Variants in FOXN3 observed in about 807,000 individuals in gnomAD.
The protein encoded by FOXN3 is forkhead box N3, also known as forkhead box protein N3.
FOXN3 carries 7 observed loss-of-function variants against 38.4 expected under a neutral mutation model. The observed-to-expected ratio is 0.18, with a 90% confidence interval of 0.10 to 0.34. The LOEUF is 0.34. Among genes scored for constraint, FOXN3 ranks in the 10% least tolerant of loss-of-function variants. The pLI, the probability that FOXN3 is intolerant of heterozygous loss-of-function variation, is 1.00. For missense variants in FOXN3, 456 were observed against 613.4 expected (o/e 0.74, Z 2.71); for synonymous variants, 230 against 242.2 (o/e 0.95, Z 0.47).
chr14:89,527,224 TA>T lies in FOXN3; in HGVS notation c.-15+91803del, dbSNP rs1215302098. ...ACTTCAGTACATATCTTGTACCATA[TA>T]AAAAATGAATTCAAAATGGACAACA... On this transcript the variant is annotated intron_variant, in intron 1 of 6. Transcript: ENST00000345097. Among the ~76,000 whole-genome samples the T allele has an allele frequency of 1.4e-4, 21 of 152,222 alleles. No individual in the cohort carries two copies. In the South Asian group the frequency reaches 4.1e-3, roughly 30 times the overall value.
In FOXN3 at chr14:89,461,223, G is replaced by A. The variant is rs1006635137; in HGVS notation, c.-14-48733C>T. 9.2e-5 allele frequency among the ~76,000 whole-genome samples: 14 copies of A among 151,668 alleles called. 1 individual carries two copies. Among genetic ancestry groups the A allele is most frequent in the Admixed American group, 7.2e-4 (11 of 15,198 alleles). ...ATAGTGGTGCATGCCTGTAGTCCTA[G>A]CTACTCGGGAGGCTGAGGCAGGAGA... On this transcript the variant is annotated intron_variant, in intron 1 of 6. Coordinates refer to the FOXN3 transcript ENST00000345097.
intron 1 of FOXN3, among the ~76,000 whole-genome samples, chr14:89,435,627 G>A (rs967102305): frequency 5.9e-5 from 9 of 152,086 alleles, no homozygotes; most frequent in African/African-American, 2.2e-4. Context: ...ATCTCATCTC[G>A]AGACCAGCCA....
chr14:89,505,900 T>G (rs1278825387), intron 1 of FOXN3, among the ~76,000 whole-genome samples: 6 of 132,220 alleles, frequency 4.5e-5, no homozygotes, highest in South Asian at 2.6e-4. Context: ...CCGTCTGGGA[T>G]GTGAGGAGCG....
At chr14:89,181,268 C>T (rs2139796794) in intron 4 of FOXN3, among the ~76,000 whole-genome samples, 1 of 152,120 alleles carries the variant, frequency 6.6e-6, no homozygotes, top group African/African-American at 2.4e-5. Flanking sequence ...TTAAACATAA[C>T]CTTTTACCTT....
chr14:89,317,024 C>G (rs1170806124), intron 3 of FOXN3, among the ~76,000 whole-genome samples: 2 of 152,228 alleles, frequency 1.3e-5, no homozygotes, highest in Non-Finnish European at 2.9e-5. Context: ...CAGGAGCTAA[C>G]TCATATAACA....
intron 1 of FOXN3, among the ~76,000 whole-genome samples, chr14:89,467,890 TC>T (rs1193369489): frequency 7.8e-6 from 1 of 127,832 alleles, no homozygotes; most frequent in Non-Finnish European, 1.6e-5. Flanking sequence ...CCTCAATCCT[TC>T]CTCCCACCTC....
At chr14:89,442,019 C>A (rs1421883650) in intron 1 of FOXN3, among the ~76,000 whole-genome samples, 2 of 151,294 alleles carry the variant, frequency 1.3e-5, no homozygotes, top group East Asian at 3.9e-4. Flanking sequence ...CTCCGCCTCC[C>A]AGGTTCAAGC....
intron 2 of FOXN3, among the ~76,000 whole-genome samples, chr14:89,401,848 A>G (rs1891255747): frequency 6.6e-6 from 1 of 152,210 alleles, no homozygotes; most frequent in Non-Finnish European, 1.5e-5. Context: ...CACGGGGCCC[A>G]GAGGGAAATC....
rs1202235031 is a variant in FOXN3 at position 89,325,306 on chromosome 14, ACC to A, written c.680+25364_680+25365del. Among the ~76,000 whole-genome samples the A allele has an allele frequency of 3.4e-4, 43 of 126,432 alleles. 1 individual carries two copies. Among genetic ancestry groups the A allele is most frequent in the South Asian group, 1.3e-3 (5 of 3,738 alleles). 82.9% of individuals were successfully genotyped at this position (126,432 alleles called of 152,430 possible). On this transcript the variant is annotated intron_variant, in intron 3 of 5. Coordinates refer to ENST00000557258, the MANE Select transcript of FOXN3 (RefSeq NM_005197.4). ...CACCAACACCACCAACACCAACACC[ACC>A]ACCACGACCACCACCACCACCACCA...
chr14:89,457,674 G>T lies in FOXN3; in HGVS notation c.-14-45184C>A, dbSNP rs144329870. ...TCTACATGAAGGCTATCTGTCCCCTGTTCTCCCATTTTCATTAATCATACA... is the reference window on the plus strand; with the variant it reads ...TCTACATGAAGGCTATCTGTCCCCTTTTCTCCCATTTTCATTAATCATACA... On this transcript the variant is annotated intron_variant, in intron 1 of 6. Coordinates refer to the FOXN3 transcript ENST00000345097. 7.2e-3 allele frequency among the ~76,000 whole-genome samples: 1,101 copies of T among 152,164 alleles called. 8 individuals carry two copies. The highest frequency in any genetic ancestry group is 0.025 in the African/African-American group (1,052 of 41,562).
intron 2 of FOXN3, among the ~76,000 whole-genome samples, chr14:89,403,881 AG>A (rs1308052693): frequency 6.6e-6 from 1 of 152,192 alleles, no homozygotes; most frequent in African/African-American, 2.4e-5. Context: ...GTATCCATGA[AG>A]GGCCAGAAAA....
chr14:89,555,838 G>GGTGTGTGGGT (rs1895104345), intron 1 of FOXN3, among the ~76,000 whole-genome samples: 2 of 89,700 alleles, frequency 2.2e-5, no homozygotes, highest in South Asian at 9.4e-4. Context: ...TCTAGTTCAT[G>GGTGTGTGGGT]GTGTGTGTGT....
At chr14:89,333,344 G>T (rs1376254200) in intron 3 of FOXN3, 1 of 152,202 alleles carries the variant, frequency 6.6e-6, no homozygotes. Context: ...CTTGAACTCA[G>T]AGGGCAGAGG....
chr14:89,265,970 A>C (rs1337106672), intron 4 of FOXN3, among the ~76,000 whole-genome samples: 1 of 152,108 alleles, frequency 6.6e-6, no homozygotes, highest in Non-Finnish European at 1.5e-5. Context: ...GTGAAGGAGG[A>C]GTGCAGGGTG....
chr14:89,456,194 CAAAAAA>C (rs10550227), intron 1 of FOXN3, among the ~76,000 whole-genome samples: 12 of 105,840 alleles, frequency 1.1e-4, no homozygotes, highest in Middle Eastern at 5.4e-3. Context: ...ACTCAGTCTC[CAAAAAA>C]AAAAAAAAAA....
intron 1 of FOXN3, among the ~76,000 whole-genome samples, chr14:89,457,542 A>G (rs993930600): frequency 2.0e-5 from 3 of 152,178 alleles, no homozygotes; most frequent in Non-Finnish European, 4.4e-5. Flanking sequence ...GGGGGACAAC[A>G]ATAGTACCTA....
At chr14:89,278,322 C>A (rs58162188) in intron 4 of FOXN3, among the ~76,000 whole-genome samples, 2 of 152,040 alleles carry the variant, frequency 1.3e-5, no homozygotes, top group East Asian at 3.9e-4. Flanking sequence ...TGTGGGAAAC[C>A]GCCCCATGAT....
At chr14:89,614,245 A>G (rs1302996532) in intron 1 of FOXN3, among the ~76,000 whole-genome samples, 1 of 152,250 alleles carries the variant, frequency 6.6e-6, no homozygotes, top group African/African-American at 2.4e-5. Flanking sequence ...ACAGTGATAG[A>G]ACAGATCTTG....
intron 4 of FOXN3, among the ~76,000 whole-genome samples, chr14:89,186,585 C>T (rs141186761): frequency 1.3e-5 from 2 of 152,210 alleles, no homozygotes; most frequent in African/African-American, 2.4e-5. Context: ...GGAGCATAAT[C>T]CAAAGTCCAG....
Sources: gnomAD v4.1 joint callset for allele counts (sites outside exome capture counted in the v4.1 genomes callset) on GRCh38, gnomAD v4.1.1 for gene constraint, MANE v1.5 for transcripts, NCBI Gene and HGNC (gene_info 2026-07-23, HGNC 2026-07-21) for gene names.